Variants in DMXL1 observed in about 807,000 individuals in gnomAD.
The protein encoded by DMXL1 is dmX-like protein 1.
A neutral mutation model predicts 319.2 loss-of-function variants in DMXL1; 99 were observed. The observed-to-expected ratio is 0.31, with a 90% CI of 0.26 to 0.37. The LOEUF (loss-of-function observed/expected upper bound fraction) is 0.37. Ranked by LOEUF, DMXL1 falls within the 10% of genes least tolerant of loss-of-function variation. DMXL1 has a pLI of 1.00. For synonymous variants in DMXL1, 1,385 were observed against 1,235.2 expected, an observed-to-expected ratio of 1.12 and a Z score of -2.54; for missense variants, 3,745 against 3,595.6, an observed-to-expected ratio of 1.04 and a Z score of -1.06.
intron 26 of DMXL1, 87 bp from the exon 27 acceptor site, chr5:119,177,268 CAA>C: frequency 2.1e-6 from 2 of 946,614 alleles, no homozygotes; most frequent in Non-Finnish European, 3.0e-6. Context: ...AATTAATAAA[CAA>C]AAATTGATAC....
At chr5:119,164,141 C>T (rs1772909603) in intron 19 of DMXL1, among the ~76,000 whole-genome samples, 1 of 148,682 alleles carries the variant, frequency 6.7e-6, no homozygotes, top group South Asian at 2.1e-4. Flanking sequence ...ATCCACAAAA[C>T]AAATGTTGAC....
rs1482017884 is a variant in DMXL1 at position 119,157,373 on chromosome 5, T to G, written c.4702+5337T>G. ...TTGCTTTTGTTGCCCGTCCCTTTGG[T>G]GTGATATCCAAAAAAATCATTGCCC... On this transcript the variant is annotated intron_variant, in intron 19 of 43. Coordinates refer to ENST00000539542, the MANE Select transcript of DMXL1 (RefSeq NM_001290321.3). Among the ~76,000 whole-genome samples, 3 of 152,306 alleles carry G rather than the reference T, an allele frequency of 2.0e-5. No homozygotes were observed. In the South Asian group the frequency reaches 6.2e-4, roughly 32 times the overall value.
chr5:119,091,207 A>G (rs544894856), intron 1 of DMXL1, among the ~76,000 whole-genome samples: 1 of 151,074 alleles, frequency 6.6e-6, no homozygotes, highest in African/African-American at 2.4e-5. Context: ...TGCTGCATTT[A>G]TTTATTTATT....
intron 8 of DMXL1, 98 bp from the exon 9 acceptor site, chr5:119,120,873 C>T (rs954062751): frequency 2.1e-6 from 2 of 954,440 alleles, no homozygotes; most frequent in African/African-American, 1.7e-5. Context: ...GTAAAATGTT[C>T]TGAGCTAGGA....
intron 1 of DMXL1, among the ~76,000 whole-genome samples, chr5:119,093,895 G>A (rs4512152): frequency 0.59 from 90,087 of 152,076 alleles, 27,638 homozygotes; most frequent in East Asian, 0.97. Context: ...ATCCAGAGCA[G>A]GACCCTAACT....
At chr5:119,116,107 A>T in intron 6 of DMXL1, 51 bp from the exon 7 acceptor site, 1 of 1,510,592 alleles carries the variant, frequency 6.6e-7, no homozygotes, top group South Asian at 1.3e-5. Context: ...ATTTGATTTA[A>T]TCTTTAATTC....
chr5:119,131,547 A>G (rs78920899), intron 10 of DMXL1, among the ~76,000 whole-genome samples: 15,464 of 152,270 alleles, frequency 0.1, 1,084 homozygotes, highest in Non-Finnish European at 0.16. Flanking sequence ...CAAATAATGT[A>G]TTTTAAAAAC....
At chr5:119,155,991 A>G (rs1170784314) in intron 19 of DMXL1, among the ~76,000 whole-genome samples, 1 of 152,224 alleles carries the variant, frequency 6.6e-6, no homozygotes, top group East Asian at 1.9e-4. Context: ...CTTAGTTGAT[A>G]GAGCATTGGC....
chr5:119,203,149 T>TAATCCTTTAAGGA (rs1781131898), intron 32 of DMXL1, among the ~76,000 whole-genome samples, 170 bp from the exon 33 acceptor site: 1 of 152,054 alleles, frequency 6.6e-6, no homozygotes, highest in Non-Finnish European at 1.5e-5. Flanking sequence ...AATTATGTAC[T>TAATCCTTTAAGGA]AATCCTTTAA....
chr5:119,237,135 C>T (rs1248069629), intron 39 of DMXL1, 187 bp from the exon 40 acceptor site: 1 of 357,096 alleles, frequency 2.8e-6, no homozygotes, highest in East Asian at 4.6e-5. Flanking sequence ...TTTATGTTCA[C>T]CCTGGGATTT....
At chr5:119,113,116 T>C (rs890436649) in intron 5 of DMXL1, among the ~76,000 whole-genome samples, 1 of 152,210 alleles carries the variant, frequency 6.6e-6, no homozygotes, top group Non-Finnish European at 1.5e-5. Context: ...TTTGAAATCA[T>C]TGTATGTATA....
chr5:119,119,051 G>A, intron 8 of DMXL1, 47 bp downstream of exon 8: 2 of 1,322,014 alleles, frequency 1.5e-6, no homozygotes, highest in Middle Eastern at 2.2e-4. Context: ...AAAACCTTTG[G>A]TACATTGCCT....
intron 26 of DMXL1, among the ~76,000 whole-genome samples, chr5:119,176,752 G>A (rs1749467447): frequency 6.6e-6 from 1 of 151,998 alleles, no homozygotes. Context: ...CATAGTTTAT[G>A]TCAAGCTGCA....
chr5:119,186,493 G>C (rs958301317), intron 28 of DMXL1, among the ~76,000 whole-genome samples: 1 of 152,158 alleles, frequency 6.6e-6, no homozygotes, highest in Non-Finnish European at 1.5e-5. Context: ...TCTAAGTTCA[G>C]TTTTTAAAGA....
At chr5:119,207,389 T>C (rs1781932417) in intron 34 of DMXL1, among the ~76,000 whole-genome samples, 1 of 152,196 alleles carries the variant, frequency 6.6e-6, no homozygotes, top group South Asian at 2.1e-4. Flanking sequence ...CAATAGCATG[T>C]AGCAAAGTGC....
At chr5:119,195,573 G>A (rs2150401780) in intron 30 of DMXL1, among the ~76,000 whole-genome samples, 1 of 152,284 alleles carries the variant, frequency 6.6e-6, no homozygotes, top group Non-Finnish European at 1.5e-5. Flanking sequence ...TTCAAGGGCT[G>A]GTGGTGGGGG....
chr5:119,150,551 G>A, intron 18 of DMXL1, 130 bp downstream of exon 18: 1 of 991,350 alleles, frequency 1.0e-6, no homozygotes, highest in Non-Finnish European at 1.4e-6. Context: ...CTCTTTGGGA[G>A]GCTGAGGCAG....
chr5:119,118,567 A>G (rs906068404), intron 7 of DMXL1, among the ~76,000 whole-genome samples: 3 of 152,146 alleles, frequency 2.0e-5, no homozygotes, highest in Non-Finnish European at 4.4e-5. Context: ...CCTGGGCAAC[A>G]TAGTGAGACC....
At chr5:119,106,347 C>A (rs996677983) in intron 4 of DMXL1, among the ~76,000 whole-genome samples, 1 of 152,128 alleles carries the variant, frequency 6.6e-6, no homozygotes, top group African/African-American at 2.4e-5. Context: ...TAGACTCCCC[C>A]TCTTGATGAA....
Sources: allele counts gnomAD v4.1 joint callset (sites outside exome capture counted in the v4.1 genomes callset), GRCh38; gene constraint gnomAD v4.1.1; transcripts MANE v1.5; gene names NCBI Gene and HGNC (gene_info 2026-07-23, HGNC 2026-07-21).